Variants in SNTB1 observed in about 807,000 individuals in gnomAD.
SNTB1 encodes the protein beta-1-syntrophin.
A neutral mutation model predicts 48.9 loss-of-function variants in SNTB1; 36 were observed. That is an observed-to-expected ratio of 0.74 (90% confidence interval 0.56 to 0.97). SNTB1 has a LOEUF of 0.97. Among genes scored for constraint, SNTB1 ranks in the 50% least tolerant of loss-of-function variants. The pLI is 0.00. For synonymous variants in SNTB1, 299 were observed against 294.6 expected (o/e 1.01, Z -0.15); for missense variants, 786 against 703.4 (o/e 1.12, Z -1.33).
rs905687698 is a variant in SNTB1 at position 120,536,224 on chromosome 8, T to A, written c.*2653A>T. The stretch of plus-strand genomic sequence containing the variant: ...GCACCAGAGGACTCACTTAACCACA[T>A]CTACTGACAAATAGGCAACTTCCCA... On this transcript the variant is annotated 3_prime_UTR_variant, in exon 7 of 7. Coordinates refer to ENST00000517992, the MANE Select transcript of SNTB1 (RefSeq NM_021021.4). 2 of 152,208 alleles carry A rather than the reference T, an allele frequency of 1.3e-5. No homozygotes were observed. The highest frequency in any genetic ancestry group is 1.3e-4 in the Admixed American group (2 of 15,274). 9.4% of individuals were successfully genotyped at this position (152,208 alleles called of 1,614,324 possible). A position where few individuals can be genotyped will look rare whatever the true frequency, so the allele number is the denominator to read the frequency against.
At chr8:120,793,432 G>C (rs189627204) in intron 1 of SNTB1, among the ~76,000 whole-genome samples, 4 of 152,026 alleles carry the variant, frequency 2.6e-5, no homozygotes, top group African/African-American at 9.7e-5. Context: ...AGCAGTTGCA[G>C]TAACCACTTC....
intron 4 of SNTB1, among the ~76,000 whole-genome samples, chr8:120,568,406 C>T (rs947464902): frequency 6.6e-6 from 1 of 152,156 alleles, no homozygotes; most frequent in Non-Finnish European, 1.5e-5. Flanking sequence ...TTTCTAGGTA[C>T]ATCCACAGGG....
At chr8:120,674,474 C>G (rs1197047555) in intron 2 of SNTB1, among the ~76,000 whole-genome samples, 5 of 152,202 alleles carry the variant, frequency 3.3e-5, no homozygotes. Context: ...GAAACCACTA[C>G]ATGGTAACAG....
At chr8:120,771,646 T>C (rs1464594846) in intron 1 of SNTB1, among the ~76,000 whole-genome samples, 3 of 151,484 alleles carry the variant, frequency 2.0e-5, no homozygotes, top group East Asian at 1.9e-4. Flanking sequence ...ATGAAGACAA[T>C]AGAAAAACAT....
intron 1 of SNTB1, among the ~76,000 whole-genome samples, chr8:120,709,112 AAGAG>A (rs1284148043): frequency 6.6e-6 from 1 of 152,010 alleles, no homozygotes; most frequent in Admixed American, 6.6e-5. Context: ...GGGAGGGAGA[AAGAG>A]AGGGAGGGAA....
At chr8:120,810,613 G>GGA (rs1820407839) in intron 1 of SNTB1, among the ~76,000 whole-genome samples, 2 of 152,172 alleles carry the variant, frequency 1.3e-5, no homozygotes, top group Admixed American at 1.3e-4. Flanking sequence ...TGCCCGGCAG[G>GGA]GAGAGCGAAT....
intron 1 of SNTB1, among the ~76,000 whole-genome samples, chr8:120,732,798 A>G (rs1016076898): frequency 2.6e-5 from 4 of 152,182 alleles, no homozygotes; most frequent in African/African-American, 9.6e-5. Context: ...GTGAGCTGAG[A>G]TCACGCTGTG....
At chr8:120,762,055 T>C (rs1307502521) in intron 1 of SNTB1, among the ~76,000 whole-genome samples, 3 of 152,192 alleles carry the variant, frequency 2.0e-5, no homozygotes, top group African/African-American at 7.2e-5. Flanking sequence ...ACTTCTCAGT[T>C]TTCCATTTCT....
intron 2 of SNTB1, among the ~76,000 whole-genome samples, chr8:120,684,126 T>C (rs1817986869): frequency 6.6e-6 from 1 of 152,192 alleles, no homozygotes; most frequent in South Asian, 2.1e-4. Flanking sequence ...TTATGTGTCC[T>C]TATGTAGCAG....
intron 1 of SNTB1, among the ~76,000 whole-genome samples, chr8:120,697,564 G>A (rs1375483745): frequency 6.6e-6 from 1 of 152,144 alleles, no homozygotes; most frequent in Non-Finnish European, 1.5e-5. Flanking sequence ...AATCTCTAGA[G>A]GCCTTGAAGA....
At chr8:120,670,216 T>A (rs1421490380) in intron 2 of SNTB1, among the ~76,000 whole-genome samples, 1 of 152,208 alleles carries the variant, frequency 6.6e-6, no homozygotes, top group Non-Finnish European at 1.5e-5. Context: ...AGGCTTTCTT[T>A]CCCATAAGCC....
At chr8:120,752,973 A>G (rs1819248506) in intron 1 of SNTB1, among the ~76,000 whole-genome samples, 1 of 149,510 alleles carries the variant, frequency 6.7e-6, no homozygotes, top group African/African-American at 2.5e-5. Context: ...CTGAGCCTAA[A>G]ACAAAAGCTG....
At chr8:120,685,555 C>T (rs1387378536) in intron 2 of SNTB1, among the ~76,000 whole-genome samples, 1 of 152,192 alleles carries the variant, frequency 6.6e-6, no homozygotes. Context: ...TTGTTCTGTT[C>T]CCAAGGCCCT....
chr8:120,576,266 T>A (rs2130688075), intron 3 of SNTB1, among the ~76,000 whole-genome samples: 1 of 152,304 alleles, frequency 6.6e-6, no homozygotes, highest in Non-Finnish European at 1.5e-5. Flanking sequence ...TATCAAAGAT[T>A]TAATGTTGTC....
intron 3 of SNTB1, among the ~76,000 whole-genome samples, chr8:120,617,532 C>A (rs1352664023): frequency 6.6e-6 from 1 of 152,170 alleles, no homozygotes; most frequent in African/African-American, 2.4e-5. Context: ...CTCACTAGAA[C>A]GAGTGCTAAG....
rs548247321 is a variant in SNTB1, at chr8:120,659,024, C to A, written c.789-26373G>T. Among the ~76,000 whole-genome samples the A allele has an allele frequency of 5.3e-5, 8 of 151,492 alleles. No homozygotes were observed. The South Asian group carries it at 1.7e-3, about 32-fold the overall frequency. On this transcript the variant is annotated intron_variant, in intron 2 of 6. Coordinates refer to ENST00000517992, the MANE Select transcript of SNTB1 (RefSeq NM_021021.4). Reference sequence around the variant, plus strand: ...TGTCTCCCAGGCTGGATTACAGTGGCCCTATCTTGGCTCACTGCAACCTCC... The same window carrying A: ...TGTCTCCCAGGCTGGATTACAGTGGACCTATCTTGGCTCACTGCAACCTCC...
chr8:120,785,073 G>C (rs936007640), intron 1 of SNTB1, among the ~76,000 whole-genome samples: 2 of 152,298 alleles, frequency 1.3e-5, no homozygotes, highest in East Asian at 3.9e-4. Flanking sequence ...GAGGGAAACC[G>C]TTCTTCATTC....
At chr8:120,639,012 A>G (rs79414666) in intron 2 of SNTB1, among the ~76,000 whole-genome samples, 61,383 of 152,020 alleles carry the variant, frequency 0.4, 13,435 homozygotes, top group Non-Finnish European at 0.49. Context: ...TACCAACAGT[A>G]TAAAAGTGTT....
intron 4 of SNTB1, chr8:120,571,479 G>GTTT (rs574978297): frequency 4.8e-5 from 8 of 167,030 alleles, no homozygotes; most frequent in South Asian, 9.7e-5. Flanking sequence ...ACTATTGAGG[G>GTTT]TTTTTTTTTT....
Sources: gnomAD v4.1 joint callset for allele counts (sites outside exome capture counted in the v4.1 genomes callset) on GRCh38, gnomAD v4.1.1 for gene constraint, MANE v1.5 for transcripts, NCBI Gene and HGNC (gene_info 2026-07-23, HGNC 2026-07-21) for gene names.